Variants in MEF2A observed in about 807,000 individuals in gnomAD.
MEF2A encodes myocyte-specific enhancer factor 2A.
A neutral mutation model predicts 55.8 loss-of-function variants in MEF2A; 28 were observed. That is an observed-to-expected ratio of 0.50 (90% CI 0.37 to 0.69). MEF2A has a LOEUF of 0.69. Ranked by LOEUF, MEF2A falls within the 30% of genes least tolerant of loss-of-function variation. The probability of loss-of-function intolerance (pLI) is 0.00; values close to 1 mark genes in which losing one functional copy is unlikely to be tolerated. For synonymous variants in MEF2A, 239 were observed against 227.1 expected, an observed-to-expected ratio of 1.05 and a Z score of -0.47; for missense variants, 528 against 626.2, an observed-to-expected ratio of 0.84 and a Z score of 1.67.
chr15:99,644,007 G>A (rs1258915218), intron 3 of MEF2A, among the ~76,000 whole-genome samples: 3 of 152,120 alleles, frequency 2.0e-5, no homozygotes, highest in African/African-American at 7.2e-5. Context: ...AGATGGTATT[G>A]GCTAGTTAAA....
rs2055136098 is a variant in MEF2A at position 99,690,346 on chromosome 15, G to A, written c.776G>A (p.Gly259Asp). Residue 259 changes from glycine (G) to aspartate (D), a missense_variant, in exon 8 of 12, where the codon GGT becomes GAT. By Grantham distance (94) the Gly-to-Asp change is moderately conservative (BLOSUM62 -1). Around this residue, in one of 2 missense-constraint regions of MEF2A, gnomAD observed 450 missense variants for 475.3 expected, o/e 0.95. Coordinates refer to ENST00000557942, the MANE Select transcript of MEF2A (RefSeq NM_001319206.4). ...MPTKSPPPPG[G>D]GNLGMNSRKP... is the part of the protein sequence containing the mutation. Reference sequence around the variant, plus strand: ...ACAAAGTCTCCCCCTCCACCAGGTGGTGGTAATCTTGGAATGAACAGTAGG... The same window carrying A: ...ACAAAGTCTCCCCCTCCACCAGGTGATGGTAATCTTGGAATGAACAGTAGG... The A allele has an allele frequency of 6.2e-7, 1 of 1,613,628 alleles. No individual in the cohort carries two copies. Among genetic ancestry groups the A allele is most frequent in the Non-Finnish European group, 8.5e-7 (1 of 1,179,808 alleles).
intron 4 of MEF2A, chr15:99,657,424 C>G (rs2047924149): frequency 6.6e-6 from 1 of 151,626 alleles, no homozygotes; most frequent in Non-Finnish European, 1.5e-5. Context: ...TTATCTGGAT[C>G]AACTCTTCTG....
At chr15:99,662,849 G>T (rs1274598194) in intron 4 of MEF2A, among the ~76,000 whole-genome samples, 3 of 152,206 alleles carry the variant, frequency 2.0e-5, no homozygotes, top group Non-Finnish European at 4.4e-5. Context: ...CTTAGCCGGT[G>T]TTTATGGAGC....
chr15:99,602,716 T>TTG (rs1180732504), intron 2 of MEF2A, among the ~76,000 whole-genome samples: 1 of 27,372 alleles, frequency 3.7e-5, no homozygotes, highest in East Asian at 1.6e-3. Context: ...GGGGAGCTTT[T>TTG]TGTGTGTGTG....
At chr15:99,666,030 G>T (rs996030518) in intron 4 of MEF2A, among the ~76,000 whole-genome samples, 1 of 152,114 alleles carries the variant, frequency 6.6e-6, no homozygotes, top group African/African-American at 2.4e-5. Flanking sequence ...ACAGTGTGGT[G>T]ATTCCTCAAG....
intron 6 of MEF2A, 71 bp from the exon 7 acceptor site, chr15:99,675,328 G>A (rs543824990): frequency 1.9e-5 from 24 of 1,284,476 alleles, no homozygotes; most frequent in African/African-American, 7.3e-5. Flanking sequence ...TTCAGTTCAC[G>A]TTCAGTTAGG....
chr15:99,638,851 T>C (rs2044369112), intron 3 of MEF2A, among the ~76,000 whole-genome samples: 1 of 152,172 alleles, frequency 6.6e-6, no homozygotes, highest in South Asian at 2.1e-4. Flanking sequence ...TTAATGAGCC[T>C]TCAGACCTTG....
intron 1 of MEF2A, among the ~76,000 whole-genome samples, chr15:99,567,661 G>GTGTA (rs1960289719): frequency 6.6e-6 from 1 of 151,162 alleles, no homozygotes; most frequent in African/African-American, 2.4e-5. Flanking sequence ...GTGTGTGTGT[G>GTGTA]TGTATTTTTG....
chr15:99,677,852 A>C (rs1245131979), intron 7 of MEF2A, among the ~76,000 whole-genome samples: 1 of 152,212 alleles, frequency 6.6e-6, no homozygotes, highest in South Asian at 2.1e-4. Flanking sequence ...ATTAAACATA[A>C]AGTAGGTAGA....
At position 99,597,945 on chromosome 15, in the gene MEF2A, A is replaced by G. The variant is rs144857562; in HGVS notation, c.-224-485A>G. Among the ~76,000 whole-genome samples, 1,282 of 152,332 alleles carry G rather than the reference A, an allele frequency of 8.4e-3. 61 individuals are homozygous for G. The highest frequency in any genetic ancestry group is 0.072 in the Admixed American group (1,106 of 15,296). ...ATATAGCTAGCTAGTGAAAATTACA[A>G]ATATACACATTGTATTGAAATACAG... On this transcript the variant is annotated intron_variant, in intron 1 of 11. Transcript: ENST00000557942.
intron 2 of MEF2A, among the ~76,000 whole-genome samples, chr15:99,623,867 G>T (rs1289973763): frequency 6.6e-6 from 1 of 151,338 alleles, no homozygotes; most frequent in African/African-American, 2.4e-5. Context: ...GAGTGCAATG[G>T]TGCGATCATG....
intron 1 of MEF2A, among the ~76,000 whole-genome samples, chr15:99,593,876 A>T (rs1451433544): frequency 6.6e-6 from 1 of 152,166 alleles, no homozygotes; most frequent in Non-Finnish European, 1.5e-5. Context: ...ACCTTCTATT[A>T]AAAAAGATGT....
At chr15:99,615,873 T>G (rs2040102456) in intron 2 of MEF2A, among the ~76,000 whole-genome samples, 1 of 152,212 alleles carries the variant, frequency 6.6e-6, no homozygotes, top group South Asian at 2.1e-4. Context: ...GAAGTATGGT[T>G]TTTGCCTCAT....
chr15:99,701,678 A>G (rs1437875860), intron 8 of MEF2A, among the ~76,000 whole-genome samples: 1 of 152,246 alleles, frequency 6.6e-6, no homozygotes, highest in Non-Finnish European at 1.5e-5. Context: ...CTCTTTGTAA[A>G]TGCTGTCTAA....
intron 8 of MEF2A, among the ~76,000 whole-genome samples, chr15:99,701,249 T>C (rs2057359877): frequency 6.6e-6 from 1 of 152,216 alleles, no homozygotes; most frequent in Non-Finnish European, 1.5e-5. Context: ...CCTTCCAATA[T>C]GACATGCTAA....
chr15:99,672,731 CT>C (rs1427307027), intron 5 of MEF2A, among the ~76,000 whole-genome samples: 2 of 152,054 alleles, frequency 1.3e-5, no homozygotes, highest in African/African-American at 2.4e-5. Flanking sequence ...TGTATAGTAT[CT>C]TGGGGATGGG....
chr15:99,680,883 CTTTA>C (rs1288493055), intron 7 of MEF2A, among the ~76,000 whole-genome samples: 2 of 152,106 alleles, frequency 1.3e-5, no homozygotes, highest in Non-Finnish European at 2.9e-5. Context: ...TAGAATATTT[CTTTA>C]TTTATTACTT....
intron 1 of MEF2A, among the ~76,000 whole-genome samples, chr15:99,595,427 T>G (rs1424323096): frequency 6.6e-6 from 1 of 152,132 alleles, no homozygotes; most frequent in Non-Finnish European, 1.5e-5. Flanking sequence ...TATATATTCC[T>G]TATTCACCTT....
intron 4 of MEF2A, among the ~76,000 whole-genome samples, chr15:99,665,646 C>A (rs1327451174): frequency 6.9e-6 from 1 of 145,102 alleles, no homozygotes; most frequent in Non-Finnish European, 1.5e-5. Flanking sequence ...AATGAACAGG[C>A]AGCCTACAGA....
Sources: allele counts gnomAD v4.1 joint callset (sites outside exome capture counted in the v4.1 genomes callset), GRCh38; gene constraint gnomAD v4.1.1; regional missense constraint gnomAD v4.1.1; transcripts MANE v1.5; gene names NCBI Gene and HGNC (gene_info 2026-07-23, HGNC 2026-07-21).